Variants in AGL observed in about 807,000 individuals in gnomAD.
AGL encodes the protein glycogen debranching enzyme.
A neutral mutation model predicts 199.3 loss-of-function variants in AGL; 128 were observed. The ratio of observed to expected loss-of-function variants is 0.64; its 90% CI spans 0.56 to 0.74. The LOEUF is 0.74. Ranked by LOEUF, AGL falls within the 30% of genes least tolerant of loss-of-function variation. The probability of loss-of-function intolerance (pLI) is 0.00; values close to 1 mark genes in which losing one functional copy is unlikely to be tolerated. For synonymous variants in AGL, 584 were observed against 594.7 expected, an observed-to-expected ratio of 0.98 and a Z score of 0.26; for missense variants, 1,809 against 1,820.8, an observed-to-expected ratio of 0.99 and a Z score of 0.12.
At chr1:99,902,656 A>T (rs1422549165) in intron 26 of AGL, 27 bp from the exon 27 acceptor site, 2 of 1,516,322 alleles carry the variant, frequency 1.3e-6, no homozygotes, top group South Asian at 2.2e-5. Flanking sequence ...TTTCTAACAG[A>T]GGTAACACCC....
At chr1:99,852,558 T>TTG in intron 2 of AGL, 2 of 603,432 alleles carry the variant, frequency 3.3e-6, no homozygotes, top group Admixed American at 3.0e-5. Flanking sequence ...TTTTTTTTTG[T>TTG]AGAAACTGGG....
chr1:99,917,566 A>G (rs916307034), intron 33 of AGL, among the ~76,000 whole-genome samples: 2 of 152,206 alleles, frequency 1.3e-5, no homozygotes, highest in Admixed American at 6.5e-5. Flanking sequence ...AAGGTCTGAA[A>G]TTGTGAAATT....
At chr1:99,855,061 C>T (rs534304329) in intron 2 of AGL, among the ~76,000 whole-genome samples, 10 of 152,004 alleles carry the variant, frequency 6.6e-5, no homozygotes, top group Admixed American at 3.9e-4. Context: ...ATTAGCCAGG[C>T]GTGCTGGCGG....
At chr1:99,910,953 TC>T (rs1421304212) in intron 28 of AGL, 106 bp downstream of exon 28, 1 of 1,271,176 alleles carries the variant, frequency 7.9e-7, no homozygotes, top group East Asian at 2.7e-5. Context: ...ATTAAGTCAA[TC>T]AAAATTTCCC....
intron 17 of AGL, among the ~76,000 whole-genome samples, chr1:99,882,769 A>G (rs1652151834): frequency 6.6e-6 from 1 of 152,200 alleles, no homozygotes. Flanking sequence ...CTGTTCATGC[A>G]GCAGCTGGCA....
Position 99,891,593 on chromosome 1 carries a change from AT to A in AGL, c.2950-9del, listed in dbSNP as rs2100789612. 1.2e-6 allele frequency: 2 copies of A among 1,613,398 alleles called. No homozygotes were observed. The highest frequency in any genetic ancestry group is 1.3e-5 in the African/African-American group (1 of 75,002). ...ACATACCAAATTAACTTTCAAATTT[AT>A]TTTAATTACAGGTTGGTAAATGGTT... On this transcript the variant is annotated splice_polypyrimidine_tract_variant and intron_variant, in intron 22 of 33. Transcript: ENST00000361915.
At chr1:99,912,135 C>CT (rs1428017553) in intron 28 of AGL, among the ~76,000 whole-genome samples, 2 of 152,212 alleles carry the variant, frequency 1.3e-5, no homozygotes, top group African/African-American at 2.4e-5. Flanking sequence ...TTCCTTACTC[C>CT]TACCTTTTCC....
intron 21 of AGL, among the ~76,000 whole-genome samples, chr1:99,888,845 A>G (rs1250185862): frequency 6.6e-6 from 1 of 152,140 alleles, no homozygotes; most frequent in African/African-American, 2.4e-5. Flanking sequence ...TAATTCTTGC[A>G]TCTTTCATAA....
intron 20 of AGL, among the ~76,000 whole-genome samples, chr1:99,885,198 C>A (rs896579745): frequency 3.9e-5 from 6 of 152,120 alleles, no homozygotes; most frequent in Non-Finnish European, 5.9e-5. Flanking sequence ...CTAGATGTTT[C>A]TGCATACTAC....
chr1:99,923,367 T>G lies in AGL; in HGVS notation c.*1716T>G, dbSNP rs1314716326. The G allele has an allele frequency of 6.6e-6, 1 of 152,058 alleles. No individual in the cohort carries two copies. Among genetic ancestry groups the G allele is most frequent in the Admixed American group, 6.6e-5 (1 of 15,242 alleles). The allele number at this position is 152,058 out of a possible 1,614,324, so 9.4% of individuals were successfully genotyped here. On this transcript the variant is annotated 3_prime_UTR_variant, in exon 34 of 34. Transcript: ENST00000361915. ...ACCCTAACTTTGATATTCAGGGAGG[T>G]AGGAAAGGTAACAGAAAACCAGCAT...
rs1023539573 is a variant in AGL, at chr1:99,923,450, G to C, written c.*1799G>C. 2.0e-5 allele frequency: 3 copies of C among 152,088 alleles called. No individual in the cohort carries two copies. Among genetic ancestry groups the C allele is most frequent in the Non-Finnish European group, 4.4e-5 (3 of 67,998 alleles). The allele number at this position is 152,088 out of a possible 1,614,324, so 9.4% of individuals were successfully genotyped here. A position where few individuals can be genotyped will look rare whatever the true frequency, so the allele number is the denominator to read the frequency against. ...TTAAATGTGACCAAAAAAATTAAAA[G>C]TTCACAATTTTTTTAATGTAGCCAT... On this transcript the variant is annotated 3_prime_UTR_variant, in exon 34 of 34. Transcript: ENST00000361915.
intron 27 of AGL, among the ~76,000 whole-genome samples, chr1:99,903,529 C>CT (rs1654015335): frequency 6.6e-6 from 1 of 152,178 alleles, no homozygotes; most frequent in Non-Finnish European, 1.5e-5. Context: ...TTAATCCAGT[C>CT]TATCATTGAT....
intron 2 of AGL, among the ~76,000 whole-genome samples, chr1:99,858,972 A>T (rs181304383): frequency 2.0e-5 from 3 of 152,066 alleles, no homozygotes; most frequent in Non-Finnish European, 2.9e-5. Flanking sequence ...TTTTTCCTGA[A>T]GGTAGAGCAC....
intron 20 of AGL, among the ~76,000 whole-genome samples, chr1:99,885,742 A>G (rs1652404118): frequency 6.6e-6 from 1 of 152,186 alleles, no homozygotes; most frequent in Non-Finnish European, 1.5e-5. Context: ...CATCACCCCC[A>G]TATGGGACTG....
chr1:99,866,093 C>G (rs575306481), intron 5 of AGL, among the ~76,000 whole-genome samples: 1 of 152,020 alleles, frequency 6.6e-6, no homozygotes, highest in Non-Finnish European at 1.5e-5. Flanking sequence ...CATAATGAGA[C>G]CCCCATCTCT....
At position 99,923,432 on chromosome 1, in the gene AGL, T is replaced by A. The variant is rs1199708854; in HGVS notation, c.*1781T>A. 5 of 152,168 alleles carry A rather than the reference T, an allele frequency of 3.3e-5. No homozygotes were observed. The highest frequency in any genetic ancestry group is 6.6e-5 in the Admixed American group (1 of 15,262). 9.4% of individuals were successfully genotyped at this position (152,168 alleles called of 1,614,324 possible). On this transcript the variant is annotated 3_prime_UTR_variant, in exon 34 of 34. Coordinates refer to ENST00000361915, the MANE Select transcript of AGL (RefSeq NM_000642.3). ...AGAAGTAATCGCTGACAGTTAAATG[T>A]GACCAAAAAAATTAAAAGTTCACAA...
At chr1:99,849,748 A>C (rs1025475672), upstream of AGL, among the ~76,000 whole-genome samples, 3 of 152,278 alleles carry the variant, frequency 2.0e-5, no homozygotes, top group Non-Finnish European at 4.4e-5. Context: ...AGTAAAAATT[A>C]TCAAAACAAA....
In AGL at chr1:99,884,333, T is replaced by C; in HGVS notation, c.2434-6T>C. On this transcript the variant is annotated splice_region_variant and splice_polypyrimidine_tract_variant and intron_variant, in intron 18 of 33. Transcript: ENST00000361915. The stretch of plus-strand genomic sequence containing the variant: ...AATGGATTTTTTTAATGTACTTTTT[T>C]TCAAGCTTAATGAAAGTAAAATTGT... 12 of 1,612,986 alleles carry C rather than the reference T, an allele frequency of 7.4e-6. No individual in the cohort carries two copies. Among genetic ancestry groups the C allele is most frequent in the Non-Finnish European group, 1.0e-5 (12 of 1,179,216 alleles).
At chr1:99,912,294 ATAGT>A (rs887336719) in intron 28 of AGL, 107 bp from the exon 29 acceptor site, 1 of 819,534 alleles carries the variant, frequency 1.2e-6, no homozygotes, top group African/African-American at 1.7e-5. Flanking sequence ...GGATTTTTTA[ATAGT>A]TTTCATAATA....
Sources: gnomAD v4.1 joint callset for allele counts (sites outside exome capture counted in the v4.1 genomes callset) on GRCh38, gnomAD v4.1.1 for gene constraint, MANE v1.5 for transcripts, NCBI Gene and HGNC (gene_info 2026-07-23, HGNC 2026-07-21) for gene names.